The following XPO1 variants were observed in gnomAD, a reference collection of about 807,000 sequenced individuals.
XPO1 encodes exportin 1.
In XPO1, 5 loss-of-function variants were observed where a neutral mutation model predicts 133.3. The observed-to-expected ratio is 0.04, with a 90% CI of 0.02 to 0.08. XPO1 has a LOEUF of 0.08. XPO1 is among the 10% of genes least tolerant of loss of function. The pLI, the probability that XPO1 is intolerant of heterozygous loss-of-function variation, is 1.00. For synonymous variants in XPO1, 419 were observed against 408.2 expected, an observed-to-expected ratio of 1.03 and a Z score of -0.32; for missense variants, 506 against 1,267.5, an observed-to-expected ratio of 0.40 and a Z score of 9.12.
intron 2 of XPO1, among the ~76,000 whole-genome samples, chr2:61,532,369 C>T (rs951431549): frequency 4.6e-5 from 7 of 151,920 alleles, no homozygotes; most frequent in Admixed American, 1.3e-4. Context: ...CCTCGTCATC[C>T]GCCGGCGTCG....
intron 19 of XPO1, among the ~76,000 whole-genome samples, chr2:61,486,693 G>A (rs1447340564): frequency 6.6e-6 from 1 of 152,090 alleles, no homozygotes; most frequent in Non-Finnish European, 1.5e-5. Flanking sequence ...TCCTGACCTC[G>A]TGATCCACCC....
chr2:61,488,496 A>C, intron 18 of XPO1, 92 bp downstream of exon 18: 1 of 1,390,372 alleles, frequency 7.2e-7, no homozygotes, highest in Non-Finnish European at 9.8e-7. Flanking sequence ...GTCTGATTTA[A>C]ATCTGTAAAA....
intron 16 of XPO1, among the ~76,000 whole-genome samples, chr2:61,491,108 T>A (rs1046211832): frequency 2.0e-5 from 3 of 151,104 alleles, no homozygotes; most frequent in African/African-American, 7.3e-5. Context: ...GAGATTGCAA[T>A]ACTGCACTCG....
chr2:61,534,141 C>T (rs1450215532), intron 1 of XPO1: 2 of 340,070 alleles, frequency 5.9e-6, no homozygotes, highest in Non-Finnish European at 1.1e-5. Flanking sequence ...TTAGTTTATA[C>T]ACCAGGAAGA....
chr2:61,528,401 G>A (rs189982695), intron 2 of XPO1, among the ~76,000 whole-genome samples: 36 of 152,054 alleles, frequency 2.4e-4, no homozygotes, highest in East Asian at 1.6e-3. Flanking sequence ...ATGGGAGGCC[G>A]AGGTGAGCAG....
intron 9 of XPO1, among the ~76,000 whole-genome samples, 179 bp from the exon 10 acceptor site, chr2:61,497,186 TA>T (rs1438730814): frequency 6.6e-6 from 1 of 152,174 alleles, no homozygotes; most frequent in Non-Finnish European, 1.5e-5. Flanking sequence ...TTTTATTGCC[TA>T]CCTAGTATAC....
intron 16 of XPO1, among the ~76,000 whole-genome samples, chr2:61,491,487 CACACACACA>C: frequency 6.6e-6 from 1 of 151,494 alleles, no homozygotes; most frequent in South Asian, 2.1e-4. Context: ...CACACACACA[CACACACACA>C]CCCCAAAACA....
Position 61,493,559 on chromosome 2 carries a change from A to ATT in XPO1, c.1245+333_1245+334dup, listed in dbSNP as rs556536105. 2.6e-3 allele frequency: 600 copies of ATT among 229,274 alleles called. 29 individuals carry two copies. The South Asian group carries it at 0.047, about 18-fold the overall frequency. 14.2% of individuals were successfully genotyped at this position (229,274 alleles called of 1,614,324 possible). A position where few individuals can be genotyped will look rare whatever the true frequency, so the allele number is the denominator to read the frequency against. On this transcript the variant is annotated intron_variant, in intron 12 of 24. Coordinates refer to ENST00000401558, the MANE Select transcript of XPO1 (RefSeq NM_003400.4). Reference sequence around the variant, plus strand: ...ATTCTACAAAAATGGCTTTATAATTATTTAAGTGTGTTTTAATGTGATTTT... The same window carrying ATT: ...ATTCTACAAAAATGGCTTTATAATTATTTTTAAGTGTGTTTTAATGTGATTTT...
chr2:61,514,326 C>T (rs553280109), intron 4 of XPO1, among the ~76,000 whole-genome samples: 28 of 151,924 alleles, frequency 1.8e-4, no homozygotes, highest in African/African-American at 6.8e-4. Flanking sequence ...GGCGTGGTGG[C>T]TCATGCCTGT....
chr2:61,516,140 AC>A (rs199731922), intron 4 of XPO1, among the ~76,000 whole-genome samples: 4,351 of 142,684 alleles, frequency 0.03, 101 homozygotes, highest in Middle Eastern at 0.066. Context: ...TTAAAAAAAA[AC>A]AAAACAAAAC....
At chr2:61,513,945 GA>G (rs1337512747) in intron 4 of XPO1, among the ~76,000 whole-genome samples, 6 of 152,132 alleles carry the variant, frequency 3.9e-5, no homozygotes, top group African/African-American at 1.4e-4. Flanking sequence ...AGCGCTTTGG[GA>G]GGCTGAGGCA....
intron 2 of XPO1, 135 bp downstream of exon 2, chr2:61,533,636 AT>A (rs1699251638): frequency 9.4e-7 from 1 of 1,067,372 alleles, no homozygotes; most frequent in Admixed American, 4.0e-5. Flanking sequence ...AATTTTCATT[AT>A]GGTTAATACA....
intron 4 of XPO1, among the ~76,000 whole-genome samples, chr2:61,513,292 C>T (rs1374084299): frequency 6.6e-6 from 1 of 151,876 alleles, no homozygotes; most frequent in Non-Finnish European, 1.5e-5. Context: ...AGCTACTGTG[C>T]CCAGCCAAAT....
chr2:61,523,050 G>A (rs1349328143), intron 3 of XPO1, among the ~76,000 whole-genome samples: 3 of 152,144 alleles, frequency 2.0e-5, no homozygotes, highest in South Asian at 4.2e-4. Flanking sequence ...ACTTTAACAC[G>A]AACAGGCTCC....
chr2:61,492,219 A>G lies in XPO1; in HGVS notation c.1724-21T>C. 6.2e-7 allele frequency: 1 copy of G among 1,612,072 alleles called. No individual in the cohort carries two copies. Among genetic ancestry groups the G allele is most frequent in the Non-Finnish European group, 8.5e-7 (1 of 1,178,964 alleles). ...GGTCTCTAACAAGACAAAAATATTC[A>G]TTTATTTTGTCCTGGACTCCATCAT... On this transcript the variant is annotated intron_variant, in intron 15 of 24. Transcript: ENST00000401558. This position sits in a 1 kb window ranked among gnomAD's most constrained non-coding sequence, Gnocchi z 5.6.
chr2:61,494,165 C>A, intron 11 of XPO1, 74 bp from the exon 12 acceptor site: 1 of 1,330,292 alleles, frequency 7.5e-7, no homozygotes, highest in East Asian at 2.3e-5. Context: ...ACTTGTTACA[C>A]CTTAAGGGAA....
At chr2:61,496,611 C>G (rs1000521853) in intron 10 of XPO1, among the ~76,000 whole-genome samples, 1 of 152,144 alleles carries the variant, frequency 6.6e-6, no homozygotes, top group East Asian at 1.9e-4. Context: ...GAACAAGTCC[C>G]AGGTTTCCCA....
At chr2:61,523,692 T>C (rs1282612644) in intron 3 of XPO1, among the ~76,000 whole-genome samples, 1 of 152,184 alleles carries the variant, frequency 6.6e-6, no homozygotes, top group Non-Finnish European at 1.5e-5. Context: ...TGGTTAGTCA[T>C]TACACAATAA....
chr2:61,503,519 G>A (rs1394565762), intron 4 of XPO1, among the ~76,000 whole-genome samples: 10 of 152,116 alleles, frequency 6.6e-5, no homozygotes, highest in Non-Finnish European at 1.3e-4. Context: ...CCACCTCCTG[G>A]GTTCACGCCA....
Sources: allele counts gnomAD v4.1 joint callset (sites outside exome capture counted in the v4.1 genomes callset), GRCh38; gene constraint gnomAD v4.1.1; non-coding constraint Gnocchi (gnomAD v3.1); transcripts MANE v1.5; gene names NCBI Gene and HGNC (gene_info 2026-07-23, HGNC 2026-07-21).